The following EYA4 variants were observed in gnomAD, a reference collection of about 807,000 sequenced individuals.
The protein encoded by EYA4 is EYA transcriptional coactivator and phosphatase 4.
In EYA4, 31 loss-of-function variants were observed where a neutral mutation model predicts 87.9. The observed-to-expected ratio is 0.35, with a 90% CI of 0.27 to 0.48. The LOEUF (loss-of-function observed/expected upper bound fraction) is 0.48. Among genes scored for constraint, EYA4 ranks in the 20% least tolerant of loss-of-function variants. The probability of loss-of-function intolerance (pLI) is 0.99; values close to 1 mark genes in which losing one functional copy is unlikely to be tolerated. For missense variants in EYA4, 678 were observed against 761.4 expected, an observed-to-expected ratio of 0.89 and a Z score of 1.29; for synonymous variants, 263 against 270.6, an observed-to-expected ratio of 0.97 and a Z score of 0.28.
intron 3 of EYA4, among the ~76,000 whole-genome samples, chr6:133,436,661 C>G (rs893086719): frequency 5.3e-5 from 8 of 152,174 alleles, no homozygotes; most frequent in African/African-American, 1.9e-4. Flanking sequence ...AAGTCTTGCC[C>G]TTAAAATCAT....
chr6:133,293,769 C>A lies in EYA4; in HGVS notation c.33+18956C>A, dbSNP rs569279653. Among the ~76,000 whole-genome samples the A allele has an allele frequency of 4.0e-5, 6 of 151,570 alleles. No homozygotes were observed. In the East Asian group the frequency reaches 1.2e-3, roughly 30 times the overall value. Reference sequence around the variant, plus strand: ...TGGGCAACATGGTGAAACCCCATCTCTACAAAAACATACAAAAATTAGACA... The same window carrying A: ...TGGGCAACATGGTGAAACCCCATCTATACAAAAACATACAAAAATTAGACA... On this transcript the variant is annotated intron_variant, in intron 2 of 19. Coordinates refer to ENST00000355286, the MANE Select transcript of EYA4 (RefSeq NM_004100.5).
chr6:133,450,535 ACT>A (rs2128631508), intron 5 of EYA4, among the ~76,000 whole-genome samples: 1 of 151,514 alleles, frequency 6.6e-6, no homozygotes, highest in African/African-American at 2.4e-5. Context: ...ATGGAGTCTC[ACT>A]CTGTCTACCA....
Position 133,395,679 on chromosome 6 carries a change from T to G in EYA4, c.83+13238T>G, listed in dbSNP as rs552169470. ...AGCAGGCTGAGACAGAAGAATCGCT[T>G]GAACCCGAGAGGTGGAGGTTGCAGT... is the stretch of plus-strand genomic sequence containing the variant. On this transcript the variant is annotated intron_variant, in intron 3 of 19. Transcript: ENST00000355286. Among the ~76,000 whole-genome samples the G allele has an allele frequency of 4.6e-5, 7 of 152,330 alleles. No homozygotes were observed. The East Asian group carries it at 1.4e-3, about 29-fold the overall frequency.
chr6:133,446,889 A>C lies in EYA4; in HGVS notation c.208+135A>C, dbSNP rs1792900097. The C allele has an allele frequency of 9.0e-6, 8 of 890,860 alleles. No homozygotes were observed. The South Asian group carries it at 1.3e-4, about 14-fold the overall frequency. The allele number at this position is 890,860 out of a possible 1,614,324, so 55.2% of individuals were successfully genotyped here. A position where few individuals can be genotyped will look rare whatever the true frequency, so the allele number is the denominator to read the frequency against. ...CAGCATTATATCCAAGGTATATATAATTAATATTGATTGTTTTGATGATTT... is the reference window on the plus strand; with the variant it reads ...CAGCATTATATCCAAGGTATATATACTTAATATTGATTGTTTTGATGATTT... On this transcript the variant is annotated intron_variant, in intron 4 of 19. Transcript: ENST00000355286.
intron 1 of EYA4, among the ~76,000 whole-genome samples, chr6:133,271,270 G>A (rs1776663283): frequency 6.6e-6 from 1 of 152,144 alleles, no homozygotes. Flanking sequence ...GACTTCAAAA[G>A]GCCATTCCAC....
chr6:133,468,747 C>T lies in EYA4; in HGVS notation c.970+16C>T. On this transcript the variant is annotated intron_variant, in intron 11 of 19. Coordinates refer to ENST00000355286, the MANE Select transcript of EYA4 (RefSeq NM_004100.5). ...AACCAACCAGGTACAGATCTTCACC[C>T]AGGTGAAATACTTTTATATGTTTTG... 6.2e-7 allele frequency: 1 copy of T among 1,611,782 alleles called. No individual in the cohort carries two copies. The highest frequency in any genetic ancestry group is 8.5e-7 in the Non-Finnish European group (1 of 1,178,188).
intron 2 of EYA4, among the ~76,000 whole-genome samples, chr6:133,337,122 T>C (rs1782427484): frequency 6.6e-6 from 1 of 152,204 alleles, no homozygotes; most frequent in South Asian, 2.1e-4. Context: ...GGTCTGAGTC[T>C]CAGTTTGTGG....
intron 3 of EYA4, among the ~76,000 whole-genome samples, chr6:133,393,105 T>C (rs1471780240): frequency 6.6e-6 from 1 of 152,208 alleles, no homozygotes; most frequent in East Asian, 1.9e-4. Context: ...GCTTAGGGGT[T>C]ATTAAGCATC....
At chr6:133,290,613 A>T (rs551613427) in intron 2 of EYA4, among the ~76,000 whole-genome samples, 1 of 152,308 alleles carries the variant, frequency 6.6e-6, no homozygotes, top group East Asian at 1.9e-4. Flanking sequence ...ATTTGTTTCA[A>T]TTAAATGCCT....
chr6:133,340,989 T>C (rs1462524097), intron 2 of EYA4, among the ~76,000 whole-genome samples: 1 of 152,160 alleles, frequency 6.6e-6, no homozygotes, highest in Non-Finnish European at 1.5e-5. Context: ...ATGGACTGGA[T>C]TTTAAATAGA....
intron 1 of EYA4, among the ~76,000 whole-genome samples, chr6:133,271,615 C>T (rs1776695059): frequency 6.6e-6 from 1 of 152,136 alleles, no homozygotes; most frequent in Admixed American, 6.5e-5. Context: ...GGAATGGTGC[C>T]ACATCGAGGG....
chr6:133,484,201 A>T (rs370976076), intron 13 of EYA4, among the ~76,000 whole-genome samples: 1 of 152,194 alleles, frequency 6.6e-6, no homozygotes, highest in South Asian at 2.1e-4. Context: ...AACTCAGAAC[A>T]TGTTGGCTTA....
At chr6:133,448,305 A>G (rs1793065386) in intron 5 of EYA4, 126 bp downstream of exon 5, 2 of 753,522 alleles carry the variant, frequency 2.7e-6, no homozygotes, top group Non-Finnish European at 4.8e-6. Context: ...GGAAAAATGA[A>G]CATGCCTTTT....
chr6:133,465,816 T>C (rs1007375980), intron 10 of EYA4, among the ~76,000 whole-genome samples: 1 of 152,126 alleles, frequency 6.6e-6, no homozygotes, highest in Non-Finnish European at 1.5e-5. Flanking sequence ...TTTATTGATA[T>C]CACAAAAGGC....
At chr6:133,515,248 G>A in intron 16 of EYA4, 73 bp from the exon 17 acceptor site, 1 of 803,332 alleles carries the variant, frequency 1.2e-6, no homozygotes, top group African/African-American at 1.7e-5. Flanking sequence ...ATTCCAGACA[G>A]AAGGGAATCT....
chr6:133,329,470 T>A (rs548493819), intron 2 of EYA4, among the ~76,000 whole-genome samples: 1 of 152,220 alleles, frequency 6.6e-6, no homozygotes, highest in East Asian at 1.9e-4. Flanking sequence ...TTTTGTTTTG[T>A]TTTTGCAGTT....
chr6:133,382,736 A>G (rs1786333909), intron 3 of EYA4, among the ~76,000 whole-genome samples: 1 of 151,216 alleles, frequency 6.6e-6, no homozygotes, highest in South Asian at 2.1e-4. Context: ...ATTTCTTTTT[A>G]TAATGTTTTG....
chr6:133,419,925 A>G (rs1212867532), intron 3 of EYA4, among the ~76,000 whole-genome samples: 2 of 152,146 alleles, frequency 1.3e-5, no homozygotes, highest in Non-Finnish European at 2.9e-5. Flanking sequence ...AAACTCAGAA[A>G]ATATGTTTTA....
chr6:133,416,851 C>A (rs1789759360), intron 3 of EYA4, among the ~76,000 whole-genome samples: 1 of 152,192 alleles, frequency 6.6e-6, no homozygotes, highest in Non-Finnish European at 1.5e-5. Context: ...AGCACCATCT[C>A]CCTATAGCGT....
Sources: gnomAD v4.1 joint callset for allele counts (sites outside exome capture counted in the v4.1 genomes callset) on GRCh38, gnomAD v4.1.1 for gene constraint, MANE v1.5 for transcripts, NCBI Gene and HGNC (gene_info 2026-07-23, HGNC 2026-07-21) for gene names.